Variants in GRAMD1C observed in about 807,000 individuals in gnomAD.
GRAMD1C encodes protein Aster-C.
A neutral mutation model predicts 97.8 loss-of-function variants in GRAMD1C; 89 were observed. The observed-to-expected ratio is 0.91, with a 90% CI of 0.77 to 1.09. The LOEUF is 1.09. Ranked by LOEUF, GRAMD1C falls within the 50% of genes least tolerant of loss-of-function variation. GRAMD1C has a pLI of 0.00. For missense variants in GRAMD1C, 740 were observed against 766.4 expected (o/e 0.97, Z 0.41); for synonymous variants, 256 against 267.0 (o/e 0.96, Z 0.40).
intron 2 of GRAMD1C, among the ~76,000 whole-genome samples, chr3:113,867,597 G>A (rs183169206): frequency 3.3e-5 from 5 of 152,274 alleles, no homozygotes; most frequent in African/African-American, 9.6e-5. Context: ...CGCCAGGCTC[G>A]GACTTCCTTT....
rs142342961 is a variant in GRAMD1C, at chr3:113,940,243, A to T, written c.1806A>T (p.Leu602Phe). The stretch of plus-strand genomic sequence containing the variant: ...GAAGATGGCATTTTTCTTTCAGTTT[A>T]GCCTCTGATATGGTGTCAAGAGCAG... ...LRLQEEKSLN[L>F]ASDMVSRAET... The change falls in exon 17 of 18, where the codon TTA (leucine) becomes TTT (phenylalanine). Residue 602 changes from leucine to phenylalanine, a missense_variant. Transcript: ENST00000358160. The T allele has an allele frequency of 2.0e-5, 31 of 1,563,388 alleles. No individual in the cohort carries two copies. In the African/African-American group the frequency reaches 3.9e-4, roughly 20 times the overall value.
intron 16 of GRAMD1C, 111 bp downstream of exon 16, chr3:113,940,107 C>A: frequency 2.4e-6 from 2 of 837,802 alleles, no homozygotes; most frequent in South Asian, 1.5e-5. Flanking sequence ...TATCCTGTAG[C>A]CATAAACAGC....
chr3:113,876,087 T>A, intron 4 of GRAMD1C, 78 bp from the exon 5 acceptor site: 1 of 709,556 alleles, frequency 1.4e-6, no homozygotes, highest in Non-Finnish European at 2.5e-6. Flanking sequence ...TATTCTGGAT[T>A]AGATTGATGG....
chr3:113,942,709 C>T (rs1937863636), intron 17 of GRAMD1C, among the ~76,000 whole-genome samples: 2 of 152,204 alleles, frequency 1.3e-5, no homozygotes, highest in African/African-American at 4.8e-5. Context: ...TGGTGTCCCT[C>T]AAGCCAGGCA....
At chr3:113,829,421 GT>G (rs1709530506) in intron 1 of GRAMD1C, among the ~76,000 whole-genome samples, 1 of 152,038 alleles carries the variant, frequency 6.6e-6, no homozygotes, top group Non-Finnish European at 1.5e-5. Context: ...TTTAGCTTGG[GT>G]AATAGAGAGA....
Position 113,944,078 on chromosome 3 carries a change from A to T in GRAMD1C, c.1909-1320A>T, listed in dbSNP as rs541342118. On this transcript the variant is annotated intron_variant, in intron 17 of 17. Coordinates refer to ENST00000358160, the MANE Select transcript of GRAMD1C (RefSeq NM_017577.5). ...CTTTAAATAACCACACGTTCCAATG[A>T]CTCCTGTCTTAGTCCATTTGTGCTA... Among the ~76,000 whole-genome samples the T allele has an allele frequency of 5.9e-5, 9 of 151,932 alleles. No homozygotes were observed. In the East Asian group the frequency reaches 1.7e-3, roughly 29 times the overall value.
intron 2 of GRAMD1C, among the ~76,000 whole-genome samples, chr3:113,849,021 GACTT>G (rs1483627216): frequency 6.6e-6 from 1 of 151,590 alleles, no homozygotes; most frequent in Non-Finnish European, 1.5e-5. Context: ...TAAAACAAAA[GACTT>G]ACTTTCTTCT....
Position 113,906,588 on chromosome 3 carries a change from A to T in GRAMD1C, c.789+2316A>T, listed in dbSNP as rs922821608. On this transcript the variant is annotated intron_variant, in intron 8 of 17. Coordinates refer to ENST00000358160, the MANE Select transcript of GRAMD1C (RefSeq NM_017577.5). ...ATTTTTACAAGAGTCAAAAAGTTTT[A>T]AAAAAAAGTTCATAAAATAAAAATG... Among the ~76,000 whole-genome samples, 60 of 152,198 alleles carry T rather than the reference A, an allele frequency of 3.9e-4. 1 individual carries two copies. The highest frequency in any genetic ancestry group is 1.4e-3 in the African/African-American group (59 of 41,526).
At chr3:113,929,412 T>C (rs1221963804) in intron 10 of GRAMD1C, among the ~76,000 whole-genome samples, 2 of 152,218 alleles carry the variant, frequency 1.3e-5, no homozygotes, top group Non-Finnish European at 2.9e-5. Flanking sequence ...TTGGTAACAT[T>C]GCTGAAACTA....
Position 113,938,090 on chromosome 3 carries a change from G to A in GRAMD1C, c.1638G>A (p.Lys546=). The change falls in exon 15 of 18, where the codon AAG becomes AAA. Residue 546 remains lysine, a synonymous_variant. Coordinates refer to ENST00000358160, the MANE Select transcript of GRAMD1C (RefSeq NM_017577.5). The stretch of plus-strand genomic sequence containing the variant: ...CCTTTTTCTTGTGATCTACAGGAAA[G>A]AAAAAGGAAATGGAAAACTATAACG... ...GLGAKGDITG[K]KKEMENYNVT... is the part of the protein sequence containing the mutation. The A allele has an allele frequency of 6.6e-7, 1 of 1,514,390 alleles. No individual in the cohort carries two copies. The highest frequency in any genetic ancestry group is 9.1e-7 in the Non-Finnish European group (1 of 1,104,558). The allele number at this position is 1,514,390 out of a possible 1,614,324, so 93.8% of individuals were successfully genotyped here.
upstream of GRAMD1C, among the ~76,000 whole-genome samples, chr3:113,837,837 G>A (rs1395702226): frequency 6.6e-6 from 1 of 152,244 alleles, no homozygotes; most frequent in African/African-American, 2.4e-5. Flanking sequence ...GAGTCCGGGA[G>A]GTGGAGGTTG....
At position 113,876,377 on chromosome 3, in the gene GRAMD1C, A is replaced by G. The variant is rs1935034508; in HGVS notation, c.459+117A>G. 2.1e-5 allele frequency: 13 copies of G among 623,388 alleles called. No homozygotes were observed. In the East Asian group the frequency reaches 2.9e-4, roughly 14 times the overall value. The allele number at this position is 623,388 out of a possible 1,614,324, so 38.6% of individuals were successfully genotyped here. On this transcript the variant is annotated intron_variant, in intron 5 of 17. Transcript: ENST00000358160. ...CTGGAGTTAGGAATATCTGATACACATATGTTTAATACTAGAATTCTGTAT... is the reference window on the plus strand; with the variant it reads ...CTGGAGTTAGGAATATCTGATACACGTATGTTTAATACTAGAATTCTGTAT...
chr3:113,852,231 T>G (rs907311601), intron 2 of GRAMD1C, among the ~76,000 whole-genome samples: 1 of 152,292 alleles, frequency 6.6e-6, no homozygotes, highest in East Asian at 1.9e-4. Context: ...CTTTGGCAAC[T>G]GGGGAGAATA....
intron 2 of GRAMD1C, among the ~76,000 whole-genome samples, chr3:113,846,003 T>A (rs1281587783): frequency 6.6e-6 from 1 of 152,170 alleles, no homozygotes; most frequent in Non-Finnish European, 1.5e-5. Context: ...TATACAAAAA[T>A]AACAATACAT....
intron 1 of GRAMD1C, among the ~76,000 whole-genome samples, chr3:113,831,633 C>T (rs80118806): frequency 0.015 from 2,221 of 151,998 alleles, 49 homozygotes; most frequent in African/African-American, 0.048. Flanking sequence ...TCTTTCTGCT[C>T]CTCAGACTGA....
intron 2 of GRAMD1C, among the ~76,000 whole-genome samples, chr3:113,855,754 T>C (rs1338617522): frequency 7.2e-5 from 11 of 151,930 alleles, no homozygotes; most frequent in Non-Finnish European, 1.6e-4. Flanking sequence ...TGATTTTAAT[T>C]GCATTATTTC....
At chr3:113,872,401 T>C (rs572928485) in intron 3 of GRAMD1C, among the ~76,000 whole-genome samples, 40,105 of 135,960 alleles carry the variant, frequency 0.29, 6,324 homozygotes, top group Non-Finnish European at 0.36. Flanking sequence ...CTTTTTTTTT[T>C]TTTTTTTTTT....
intron 10 of GRAMD1C, chr3:113,920,037 T>G: frequency 2.3e-6 from 2 of 879,084 alleles, no homozygotes; most frequent in Admixed American, 2.0e-5. Context: ...AGGTACTTTT[T>G]GAATTTAGTG....
intron 2 of GRAMD1C, among the ~76,000 whole-genome samples, chr3:113,865,123 G>A (rs9839343): frequency 0.063 from 9,571 of 152,204 alleles, 423 homozygotes; most frequent in Middle Eastern, 0.11. Flanking sequence ...GTGGGAACAC[G>A]TTTGAAAGAG....
Sources: allele counts gnomAD v4.1 joint callset (sites outside exome capture counted in the v4.1 genomes callset), GRCh38; gene constraint gnomAD v4.1.1; transcripts MANE v1.5; gene names NCBI Gene and HGNC (gene_info 2026-07-23, HGNC 2026-07-21).